RIMBP2: variants seen among roughly 807,000 people sequenced by gnomAD.
RIMBP2 encodes the protein RIMS binding protein 2.
In RIMBP2, 48 loss-of-function variants were observed where a neutral mutation model predicts 118.6. The ratio of observed to expected loss-of-function variants is 0.40; its 90% CI spans 0.32 to 0.51. The LOEUF (loss-of-function observed/expected upper bound fraction) is 0.51, where lower values mean the gene tolerates loss of function less well. Among genes scored for constraint, RIMBP2 ranks in the 20% least tolerant of loss-of-function variants. RIMBP2 has a pLI of 0.41. For missense variants in RIMBP2, 1,551 were observed against 1,768.3 expected, an observed-to-expected ratio of 0.88 and a Z score of 2.20; for synonymous variants, 762 against 742.9, an observed-to-expected ratio of 1.03 and a Z score of -0.42.
intron 2 of RIMBP2, among the ~76,000 whole-genome samples, chr12:130,598,497 G>T (rs1229821668): frequency 6.6e-6 from 1 of 152,190 alleles, no homozygotes; most frequent in Admixed American, 6.5e-5. Context: ...GGGATGCCAA[G>T]GTGGGTGGAT....
At chr12:130,587,684 TGG>T (rs1337919258) in intron 2 of RIMBP2, among the ~76,000 whole-genome samples, 2 of 62,814 alleles carry the variant, frequency 3.2e-5, no homozygotes, top group South Asian at 1.9e-3. Flanking sequence ...TGTGGTGGGG[TGG>T]GGGGAGGGGG....
intron 6 of RIMBP2, 170 bp downstream of exon 6, chr12:130,470,523 T>C: frequency 2.5e-6 from 1 of 399,706 alleles, no homozygotes; most frequent in East Asian, 3.6e-5. Context: ...TCCTGGCACC[T>C]GTAGTACTGG....
intron 4 of RIMBP2, 30 bp from the exon 5 acceptor site, chr12:130,479,046 C>T: frequency 6.3e-7 from 1 of 1,585,136 alleles, no homozygotes. Flanking sequence ...CCTGGCTGAG[C>T]AGGGCAGCCT....
At chr12:130,696,027 G>A (rs908516303) in intron 1 of RIMBP2, among the ~76,000 whole-genome samples, 1 of 152,174 alleles carries the variant, frequency 6.6e-6, no homozygotes, top group African/African-American at 2.4e-5. Context: ...CATTTCAGAT[G>A]TGCATTGGGT....
intron 4 of RIMBP2, among the ~76,000 whole-genome samples, chr12:130,480,708 C>A (rs1168831158): frequency 6.6e-6 from 1 of 152,170 alleles, no homozygotes. Context: ...TCAAGCTACT[C>A]TCGTGCTTCA....
At chr12:130,679,867 G>A (rs1237736247) in intron 1 of RIMBP2, among the ~76,000 whole-genome samples, 1 of 152,174 alleles carries the variant, frequency 6.6e-6, no homozygotes, top group East Asian at 1.9e-4. Flanking sequence ...CGCAGAGAGT[G>A]TGTTCGCCCG....
intron 1 of RIMBP2, among the ~76,000 whole-genome samples, chr12:130,664,419 ACGCACACACATG>A (rs2063808548): frequency 7.6e-5 from 8 of 105,514 alleles, no homozygotes; most frequent in Admixed American, 3.5e-4. Flanking sequence ...ACGCACACAC[ACGCACACACATG>A]CATGCACGCA....
chr12:130,510,526 T>C (rs2050806237), intron 3 of RIMBP2, among the ~76,000 whole-genome samples: 1 of 152,090 alleles, frequency 6.6e-6, no homozygotes, highest in Non-Finnish European at 1.5e-5. Context: ...TGGAGTGCAG[T>C]GATGCAATCT....
chr12:130,595,355 G>C (rs935134264), intron 2 of RIMBP2, among the ~76,000 whole-genome samples: 2 of 152,182 alleles, frequency 1.3e-5, no homozygotes, highest in East Asian at 1.9e-4. Context: ...TCAAGAGATC[G>C]AGACCATTCT....
intron 2 of RIMBP2, among the ~76,000 whole-genome samples, chr12:130,518,645 TCTTA>T (rs1277385298): frequency 1.3e-5 from 2 of 152,164 alleles, no homozygotes; most frequent in Non-Finnish European, 2.9e-5. Flanking sequence ...TTAGGACTTG[TCTTA>T]CTCTCTACTA....
chr12:130,548,513 C>T (rs7313355), intron 2 of RIMBP2, among the ~76,000 whole-genome samples: 2,791 of 152,230 alleles, frequency 0.018, 68 homozygotes, highest in African/African-American at 0.061. Context: ...AATTCCATCT[C>T]TGATCTTTCC....
intron 11 of RIMBP2, among the ~76,000 whole-genome samples, chr12:130,439,646 TGGGGGGG>T (rs2077907072): frequency 1.2e-4 from 7 of 57,378 alleles, no homozygotes; most frequent in Admixed American, 5.4e-4. Context: ...TGGGTGTGTG[TGGGGGGG>T]ATGTGTTTTT....
At chr12:130,501,252 G>A (rs924333115) in intron 4 of RIMBP2, among the ~76,000 whole-genome samples, 1 of 152,074 alleles carries the variant, frequency 6.6e-6, no homozygotes, top group Admixed American at 6.5e-5. Context: ...CTCGCATCAG[G>A]ACATGGCTCC....
intron 2 of RIMBP2, among the ~76,000 whole-genome samples, chr12:130,537,947 G>A (rs575594097): frequency 6.6e-6 from 1 of 152,320 alleles, no homozygotes; most frequent in East Asian, 1.9e-4. Flanking sequence ...TCTCCCTCCA[G>A]ATGGAAGGAT....
intron 4 of RIMBP2, among the ~76,000 whole-genome samples, chr12:130,503,691 G>A (rs923587861): frequency 6.6e-6 from 1 of 152,154 alleles, no homozygotes; most frequent in Non-Finnish European, 1.5e-5. Context: ...GCTTTGTTTT[G>A]CTGGGGAAGC....
chr12:130,611,921 TG>T (rs144564535), intron 2 of RIMBP2, among the ~76,000 whole-genome samples: 131 of 152,262 alleles, frequency 8.6e-4, no homozygotes, highest in African/African-American at 3.1e-3. Context: ...AGTAGAAAGT[TG>T]GGGAAAACCA....
chr12:130,677,681 T>C (rs959030207), intron 1 of RIMBP2, among the ~76,000 whole-genome samples: 1 of 152,116 alleles, frequency 6.6e-6, no homozygotes, highest in African/African-American at 2.4e-5. Flanking sequence ...AACTACGTGT[T>C]AATACAAAAC....
chr12:130,418,386 A>G (rs138967379), intron 17 of RIMBP2, among the ~76,000 whole-genome samples: 35 of 152,314 alleles, frequency 2.3e-4, no homozygotes, highest in African/African-American at 7.7e-4. Flanking sequence ...GAAGCGCTCC[A>G]TGGCCTCTAC....
chr12:130,396,595 C>G lies in RIMBP2; in HGVS notation c.*766G>C, dbSNP rs1024915457. 1 of 152,508 alleles carries G rather than the reference C, an allele frequency of 6.6e-6. No individual in the cohort carries two copies. Among genetic ancestry groups the G allele is most frequent in the East Asian group, 1.9e-4 (1 of 5,196 alleles). 9.4% of individuals were successfully genotyped at this position (152,508 alleles called of 1,614,324 possible). ...GTATTTGGGTATGGCATTTTGACAA[C>G]GAAAGTAACAGAAAACCATATGCCA... On this transcript the variant is annotated 3_prime_UTR_variant, in exon 23 of 23. Coordinates refer to ENST00000690449, the MANE Select transcript of RIMBP2 (RefSeq NM_001393629.1).
Sources: allele counts gnomAD v4.1 joint callset (sites outside exome capture counted in the v4.1 genomes callset), GRCh38; gene constraint gnomAD v4.1.1; transcripts MANE v1.5; gene names NCBI Gene and HGNC (gene_info 2026-07-23, HGNC 2026-07-21).